Variants in NR5A2 observed in about 807,000 individuals in gnomAD.
The protein encoded by NR5A2 is CYP7A promoter-binding factor.
In NR5A2, 26 loss-of-function variants were observed where a neutral mutation model predicts 62.7. The observed-to-expected ratio is 0.41, with a 90% confidence interval of 0.30 to 0.58. The LOEUF (loss-of-function observed/expected upper bound fraction) is 0.58, where lower values mean the gene tolerates loss of function less well. NR5A2 is among the 20% of genes least tolerant of loss of function. The probability of loss-of-function intolerance (pLI) is 0.22; values close to 1 mark genes in which losing one functional copy is unlikely to be tolerated. For synonymous variants in NR5A2, 246 were observed against 241.7 expected, an observed-to-expected ratio of 1.02 and a Z score of -0.16; for missense variants, 541 against 669.1, an observed-to-expected ratio of 0.81 and a Z score of 2.11.
chr1:200,166,496 C>A (rs1381871447), intron 7 of NR5A2, among the ~76,000 whole-genome samples: 2 of 152,182 alleles, frequency 1.3e-5, no homozygotes, highest in Non-Finnish European at 2.9e-5. Context: ...TTCAAATTAT[C>A]TGAAAACCAT....
intron 4 of NR5A2, among the ~76,000 whole-genome samples, chr1:200,046,047 C>T (rs949383492): frequency 3.3e-5 from 5 of 152,070 alleles, no homozygotes; most frequent in African/African-American, 1.2e-4. Context: ...TTTCATGATT[C>T]TTAAGAGTTA....
chr1:200,062,925 G>A (rs1663291948), intron 5 of NR5A2, among the ~76,000 whole-genome samples: 2 of 152,102 alleles, frequency 1.3e-5, no homozygotes, highest in South Asian at 4.1e-4. Context: ...TAAGGTGGGG[G>A]GAAGACACCT....
chr1:200,147,768 GCCGGCACGGA>G lies in NR5A2; in HGVS notation c.1379-26194_1379-26185del, dbSNP rs1667777450. 5.9e-4 allele frequency: 5 copies of G among 8,430 alleles called. No homozygotes were observed. Among genetic ancestry groups the G allele is most frequent in the East Asian group, 0.042 (1 of 24 alleles). 0.5% of individuals were successfully genotyped at this position (8,430 alleles called of 1,614,324 possible). A position where few individuals can be genotyped will look rare whatever the true frequency, so the allele number is the denominator to read the frequency against. On this transcript the variant is annotated intron_variant, in intron 7 of 7. Coordinates refer to ENST00000367362, the MANE Select transcript of NR5A2 (RefSeq NM_205860.3). This position sits in a 1 kb window ranked among gnomAD's most constrained non-coding sequence, Gnocchi z 4.9. ...TGAAGACGCGGATGCCGGCGCGAAT[GCCGGCACGGA>G]TGCCGGCACGGTGGGCAGCCGCCGT...
At chr1:200,043,938 A>G in intron 3 of NR5A2, 46 bp downstream of exon 3, 3 of 1,250,440 alleles carry the variant, frequency 2.4e-6, no homozygotes, top group Non-Finnish European at 3.5e-6. Flanking sequence ...TCCAACACCA[A>G]AATAAACCAG....
chr1:200,086,338 T>C (rs1454862042), intron 5 of NR5A2, among the ~76,000 whole-genome samples: 2 of 152,110 alleles, frequency 1.3e-5, no homozygotes, highest in Non-Finnish European at 2.9e-5. Context: ...AGTTTTGCTC[T>C]TGTTGCCCAG....
At chr1:200,145,025 G>A (rs1383796388) in intron 7 of NR5A2, among the ~76,000 whole-genome samples, 1 of 152,068 alleles carries the variant, frequency 6.6e-6, no homozygotes, top group Non-Finnish European at 1.5e-5. Context: ...AAAATATTCA[G>A]AACTGGGCGG....
intron 7 of NR5A2, among the ~76,000 whole-genome samples, chr1:200,161,035 G>T (rs565645230): frequency 2.0e-5 from 3 of 151,600 alleles, no homozygotes; most frequent in Non-Finnish European, 2.9e-5. Flanking sequence ...TGCTCTTTAC[G>T]AATGTGGATG....
At chr1:200,152,784 C>G (rs935756795) in intron 7 of NR5A2, among the ~76,000 whole-genome samples, 1 of 152,064 alleles carries the variant, frequency 6.6e-6, no homozygotes, top group African/African-American at 2.4e-5. Flanking sequence ...CTTTGACATT[C>G]TAACAACAGA....
At chr1:200,061,745 CTCTG>C (rs558937467) in intron 5 of NR5A2, among the ~76,000 whole-genome samples, 16 of 152,154 alleles carry the variant, frequency 1.1e-4, no homozygotes, top group Admixed American at 3.9e-4. Flanking sequence ...AGGTCCTGGT[CTCTG>C]TCTTTCATTT....
At chr1:200,105,104 G>A (rs1255502464) in intron 5 of NR5A2, among the ~76,000 whole-genome samples, 5 of 152,050 alleles carry the variant, frequency 3.3e-5, no homozygotes, top group African/African-American at 9.7e-5. Context: ...AACCATATGC[G>A]TGTGCCACCA....
intron 6 of NR5A2, among the ~76,000 whole-genome samples, chr1:200,115,702 C>T (rs1358276082): frequency 6.6e-6 from 1 of 152,020 alleles, no homozygotes; most frequent in African/African-American, 2.4e-5. Flanking sequence ...TGTACTTTCA[C>T]AGGTAAGCCC....
chr1:200,067,245 AC>A (rs1457735074), intron 5 of NR5A2, among the ~76,000 whole-genome samples: 1 of 151,876 alleles, frequency 6.6e-6, no homozygotes, highest in African/African-American at 2.4e-5. Context: ...AAAACCAAAT[AC>A]CTCATATTCT....
At chr1:200,142,418 G>A (rs539738060) in intron 7 of NR5A2, among the ~76,000 whole-genome samples, 4 of 151,608 alleles carry the variant, frequency 2.6e-5, no homozygotes, top group Admixed American at 6.6e-5. Context: ...GGTTGGTCTC[G>A]AACTCCTGAC....
At chr1:200,055,923 C>T (rs1487453300) in intron 5 of NR5A2, among the ~76,000 whole-genome samples, 1 of 152,122 alleles carries the variant, frequency 6.6e-6, no homozygotes, top group Admixed American at 6.5e-5. Flanking sequence ...GGTTTTTCTT[C>T]CGCTGAAGGT....
At chr1:200,073,924 G>A (rs531533437) in intron 5 of NR5A2, among the ~76,000 whole-genome samples, 42 of 152,112 alleles carry the variant, frequency 2.8e-4, no homozygotes, top group Non-Finnish European at 5.4e-4. Context: ...TAACAGAGAC[G>A]ATAGCTGTTA....
chr1:200,131,596 T>C (rs1666972437), intron 7 of NR5A2, among the ~76,000 whole-genome samples: 2 of 152,250 alleles, frequency 1.3e-5, no homozygotes, highest in Non-Finnish European at 2.9e-5. Flanking sequence ...TGTTTCTCGC[T>C]GCTTTAGCTG....
intron 5 of NR5A2, among the ~76,000 whole-genome samples, chr1:200,105,484 A>G (rs1329751576): frequency 3.9e-5 from 6 of 152,144 alleles, no homozygotes; most frequent in African/African-American, 1.4e-4. Context: ...CTCTCATTGG[A>G]GTGTGAGTTT....
At position 200,047,445 on chromosome 1, in the gene NR5A2, T is replaced by C. The variant is rs540566065; in HGVS notation, c.464-727T>C. Among the ~76,000 whole-genome samples, 8 of 152,242 alleles carry C rather than the reference T, an allele frequency of 5.3e-5. No homozygotes were observed. The East Asian group carries it at 1.5e-3, about 29-fold the overall frequency. On this transcript the variant is annotated intron_variant, in intron 4 of 7. Transcript: ENST00000367362. ...AAAGTATTCACAATTTAATCCAAAA[T>C]TGGGTAACTCAGTTCCACACCCCTG...
chr1:200,064,395 G>T (rs76525614), intron 5 of NR5A2, among the ~76,000 whole-genome samples: 4,338 of 152,250 alleles, frequency 0.028, 180 homozygotes, highest in African/African-American at 0.097. Context: ...TAGACAACAA[G>T]GTGAGAGTAA....
Sources: gnomAD v4.1 joint callset for allele counts (sites outside exome capture counted in the v4.1 genomes callset) on GRCh38, gnomAD v4.1.1 for gene constraint, Gnocchi (gnomAD v3.1) non-coding constraint, MANE v1.5 for transcripts, NCBI Gene and HGNC (gene_info 2026-07-23, HGNC 2026-07-21) for gene names.